The following CTIF variants were observed in gnomAD, a reference collection of about 807,000 sequenced individuals.
The protein encoded by CTIF is cap binding complex dependent translation initiation factor.
In CTIF, 21 loss-of-function variants were observed where a neutral mutation model predicts 66.0. The ratio of observed to expected loss-of-function variants is 0.32; its 90% CI spans 0.23 to 0.46. CTIF has a LOEUF of 0.46. CTIF is among the 20% of genes least tolerant of loss of function. The probability of loss-of-function intolerance (pLI) is 1.00; values close to 1 mark genes in which losing one functional copy is unlikely to be tolerated. For synonymous variants in CTIF, 345 were observed against 326.4 expected (o/e 1.06, Z -0.62); for missense variants, 739 against 812.7 (o/e 0.91, Z 1.10).
intron 2 of CTIF, among the ~76,000 whole-genome samples, chr18:48,621,101 C>T (rs1326640574): frequency 6.6e-6 from 1 of 152,144 alleles, no homozygotes; most frequent in Non-Finnish European, 1.5e-5. Context: ...TATTCTGTGC[C>T]AGGCACTATT....
At chr18:48,612,412 A>G (rs987358503) in intron 1 of CTIF, among the ~76,000 whole-genome samples, 1 of 152,196 alleles carries the variant, frequency 6.6e-6, no homozygotes, top group East Asian at 1.9e-4. Context: ...CCAATTGTGC[A>G]TTCTGGGTGA....
At chr18:48,763,827 T>C (rs1022908968) in intron 9 of CTIF, among the ~76,000 whole-genome samples, 3 of 152,190 alleles carry the variant, frequency 2.0e-5, no homozygotes, top group Non-Finnish European at 4.4e-5. Flanking sequence ...CTCATGCTCC[T>C]GAGGCCTTGC....
intron 6 of CTIF, among the ~76,000 whole-genome samples, chr18:48,684,581 A>G (rs1048747628): frequency 6.6e-6 from 1 of 152,190 alleles, no homozygotes; most frequent in Non-Finnish European, 1.5e-5. Context: ...TCCTCTCAAT[A>G]TAGGTATACC....
chr18:48,859,366 T>C lies in CTIF; in HGVS notation c.1604T>C (p.Leu535Pro). Residue 535 changes from leucine to proline, a missense_variant, in exon 12 of 12, where the codon CTG (leucine) becomes CCG (proline). Coordinates refer to ENST00000256413, the MANE Select transcript of CTIF (RefSeq NM_014772.3). Reference protein sequence around the residue: ...SMELQSTGRLLEEQLPEMMTE... With the variant: ...SMELQSTGRLPEEQLPEMMTE... ...CAGCTGCAGAGTACAGGCCGGCTGC[T>C]GGAGGAACAGCTGCCTGAGATGATG... 6.2e-7 allele frequency: 1 copy of C among 1,614,080 alleles called. No individual in the cohort carries two copies. The highest frequency in any genetic ancestry group is 8.5e-7 in the Non-Finnish European group (1 of 1,180,026).
chr18:48,780,330 G>A (rs975414928), intron 9 of CTIF, among the ~76,000 whole-genome samples: 11 of 152,166 alleles, frequency 7.2e-5, no homozygotes, highest in South Asian at 6.2e-4. Context: ...AGTGCTACCC[G>A]GAGAAAGAGC....
Position 48,636,566 on chromosome 18 carries a change from T to C in CTIF, c.181-48T>C, listed in dbSNP as rs1598778868. On this transcript the variant is annotated intron_variant, in intron 2 of 11. Coordinates refer to ENST00000256413, the MANE Select transcript of CTIF (RefSeq NM_014772.3). The stretch of plus-strand genomic sequence containing the variant: ...CTCCTGCAGCCTGGCAGAGTGAGCA[T>C]GGGCCTGGCTGTCCTGCCGTCACTG... 1.1e-5 allele frequency: 15 copies of C among 1,384,372 alleles called. No individual in the cohort carries two copies. The East Asian group carries it at 4.1e-4, about 38-fold the overall frequency. The allele number at this position is 1,384,372 out of a possible 1,614,324, so 85.8% of individuals were successfully genotyped here. A position where few individuals can be genotyped will look rare whatever the true frequency, so the allele number is the denominator to read the frequency against.
intron 3 of CTIF, among the ~76,000 whole-genome samples, chr18:48,640,720 C>A (rs1282982027): frequency 6.6e-6 from 1 of 152,258 alleles, no homozygotes; most frequent in Non-Finnish European, 1.5e-5. Context: ...GGGTCACAGA[C>A]CATGCCCTGC....
chr18:48,671,630 A>G (rs1199853202), intron 6 of CTIF, among the ~76,000 whole-genome samples: 1 of 151,900 alleles, frequency 6.6e-6, no homozygotes, highest in Non-Finnish European at 1.5e-5. Context: ...GGTTTTCTTC[A>G]TGTTTCTCCC....
At chr18:48,822,954 A>T (rs1339508680) in intron 10 of CTIF, among the ~76,000 whole-genome samples, 2 of 152,124 alleles carry the variant, frequency 1.3e-5, no homozygotes, top group Non-Finnish European at 2.9e-5. Context: ...GCCATTTTCC[A>T]TGTCTTCTTT....
intron 6 of CTIF, among the ~76,000 whole-genome samples, chr18:48,689,639 C>A (rs2091897723): frequency 6.6e-6 from 1 of 152,214 alleles, no homozygotes; most frequent in African/African-American, 2.4e-5. Context: ...TATAACACAG[C>A]CCCTTTCAGT....
intron 6 of CTIF, among the ~76,000 whole-genome samples, chr18:48,693,503 T>C (rs1197169371): frequency 6.6e-6 from 1 of 152,298 alleles, no homozygotes; most frequent in African/African-American, 2.4e-5. Context: ...CAACCAGGGC[T>C]GAGAGCCACC....
At chr18:48,812,252 C>A (rs1462447177) in intron 9 of CTIF, among the ~76,000 whole-genome samples, 2 of 152,198 alleles carry the variant, frequency 1.3e-5, no homozygotes, top group Non-Finnish European at 2.9e-5. Context: ...GTGTGAGCCA[C>A]CGCGCCCAGC....
chr18:48,794,882 G>C (rs1461800559), intron 9 of CTIF, among the ~76,000 whole-genome samples: 3 of 152,162 alleles, frequency 2.0e-5, no homozygotes, highest in Non-Finnish European at 4.4e-5. Context: ...CATCTGTGGA[G>C]GGAGGGATGT....
At chr18:48,774,506 G>A (rs1443936758) in intron 9 of CTIF, among the ~76,000 whole-genome samples, 2 of 152,114 alleles carry the variant, frequency 1.3e-5, no homozygotes, top group Non-Finnish European at 1.5e-5. Flanking sequence ...TGCAGGGAAC[G>A]ACCCTCCCTT....
At chr18:48,686,670 A>C (rs1228018321) in intron 6 of CTIF, among the ~76,000 whole-genome samples, 1 of 152,078 alleles carries the variant, frequency 6.6e-6, no homozygotes, top group East Asian at 1.9e-4. Flanking sequence ...TTTCCTGGCT[A>C]TGTGGAAAGG....
chr18:48,707,771 T>C (rs2092176824), intron 6 of CTIF, among the ~76,000 whole-genome samples: 2 of 152,208 alleles, frequency 1.3e-5, no homozygotes, highest in Non-Finnish European at 1.5e-5. Flanking sequence ...CTTAGTGGTT[T>C]TTAGGGTATT....
chr18:48,717,032 C>T (rs989364085), intron 7 of CTIF, among the ~76,000 whole-genome samples: 17 of 151,870 alleles, frequency 1.1e-4, no homozygotes, highest in Non-Finnish European at 2.1e-4. Context: ...CCACAGCCTA[C>T]AGCAGCGCTT....
At chr18:48,811,805 A>G in intron 9 of CTIF, among the ~76,000 whole-genome samples, 1 of 152,146 alleles carries the variant, frequency 6.6e-6, no homozygotes, top group East Asian at 1.9e-4. Context: ...TGATCCATTC[A>G]TCTGTGGGTG....
chr18:48,756,167 C>A (rs1171370749), intron 7 of CTIF: 1 of 152,242 alleles, frequency 6.6e-6, no homozygotes, highest in Non-Finnish European at 1.5e-5. Flanking sequence ...TCTGCAGGAA[C>A]TGTAGCCACA....
Sources: allele counts gnomAD v4.1 joint callset (sites outside exome capture counted in the v4.1 genomes callset), GRCh38; gene constraint gnomAD v4.1.1; transcripts MANE v1.5; gene names NCBI Gene and HGNC (gene_info 2026-07-23, HGNC 2026-07-21).